Variants in PCSK5 observed in about 807,000 individuals in gnomAD.
The protein encoded by PCSK5 is prohormone convertase 5.
A neutral mutation model predicts 233.2 loss-of-function variants in PCSK5; 129 were observed. The observed-to-expected ratio is 0.55, with a 90% CI of 0.48 to 0.64. The LOEUF (loss-of-function observed/expected upper bound fraction) is 0.64. Among genes scored for constraint, PCSK5 ranks in the 30% least tolerant of loss-of-function variants. The probability of loss-of-function intolerance (pLI) is 0.00; values close to 1 mark genes in which losing one functional copy is unlikely to be tolerated. For synonymous variants in PCSK5, 825 were observed against 879.2 expected (o/e 0.94, Z 1.09); for missense variants, 2,076 against 2,430.1 (o/e 0.85, Z 3.06).
In PCSK5 at chr9:76,323,073, T is replaced by C; in HGVS notation, c.4124T>C (p.Leu1375Pro). The C allele has an allele frequency of 1.2e-6, 2 of 1,604,690 alleles. No homozygotes were observed. Among genetic ancestry groups the C allele is most frequent in the Non-Finnish European group, 1.7e-6 (2 of 1,175,182 alleles). Residue 1375 changes from leucine to proline, a missense_variant, in exon 32 of 38, where the codon CTG becomes CCG. Leu to Pro is a moderately conservative substitution (Grantham distance 98). Around this residue, in one of 6 missense-constraint regions of PCSK5, gnomAD observed 1,510 missense variants for 1,538.1 expected, o/e 0.98. Transcript: ENST00000674117. The stretch of plus-strand genomic sequence containing the variant: ...CCAGAGTGCACGCCTGAGTTCTTCC[T>C]GCACGATGATATGTGCCACCAGTCC... Reference protein sequence around the residue: ...TCKECTPEFFLHDDMCHQSCP... With the variant: ...TCKECTPEFFPHDDMCHQSCP...
chr9:76,280,758 A>C (rs1252612332), intron 24 of PCSK5, among the ~76,000 whole-genome samples: 13 of 151,922 alleles, frequency 8.6e-5, no homozygotes, highest in Non-Finnish European at 5.9e-5. Flanking sequence ...ACCAAACAAA[A>C]AGATAGGCTG....
intron 3 of PCSK5, among the ~76,000 whole-genome samples, chr9:76,000,069 T>C (rs1425243795): frequency 6.6e-6 from 1 of 152,180 alleles, no homozygotes; most frequent in African/African-American, 2.4e-5. Context: ...GAATTTAGAT[T>C]TACAAGAAAC....
At chr9:76,278,036 G>C (rs1467601433) in intron 24 of PCSK5, among the ~76,000 whole-genome samples, 3 of 152,170 alleles carry the variant, frequency 2.0e-5, no homozygotes, top group Non-Finnish European at 4.4e-5. Flanking sequence ...AGTATTGGCT[G>C]CTTATAATGC....
intron 2 of PCSK5, among the ~76,000 whole-genome samples, chr9:75,934,080 A>G (rs1343710720): frequency 6.6e-6 from 1 of 152,168 alleles, no homozygotes; most frequent in Non-Finnish European, 1.5e-5. Flanking sequence ...ATCTCAGTGC[A>G]TCACATGGCT....
At chr9:76,134,025 T>A in intron 9 of PCSK5, 84 bp from the exon 10 acceptor site, 1 of 914,228 alleles carries the variant, frequency 1.1e-6, no homozygotes, top group Non-Finnish European at 1.7e-6. Flanking sequence ...ATTTTGATTT[T>A]GCTTTTTTAA....
At chr9:76,172,151 CT>C (rs1348050430) in intron 13 of PCSK5, among the ~76,000 whole-genome samples, 9 of 152,082 alleles carry the variant, frequency 5.9e-5, no homozygotes, top group Admixed American at 1.3e-4. Flanking sequence ...TATTTATTGT[CT>C]CTTGTCATTT....
At chr9:76,082,664 A>G (rs2131622886) in intron 7 of PCSK5, among the ~76,000 whole-genome samples, 1 of 151,934 alleles carries the variant, frequency 6.6e-6, no homozygotes, top group East Asian at 1.9e-4. Flanking sequence ...ACAGCCCACA[A>G]TAAGAAGACT....
intron 8 of PCSK5, among the ~76,000 whole-genome samples, chr9:76,098,211 C>T (rs1452832388): frequency 6.6e-6 from 1 of 152,152 alleles, no homozygotes; most frequent in African/African-American, 2.4e-5. Flanking sequence ...TACATGTCCC[C>T]ATCTTTCCCT....
chr9:76,251,053 A>C (rs1182899639), intron 24 of PCSK5, among the ~76,000 whole-genome samples: 8 of 152,044 alleles, frequency 5.3e-5, no homozygotes, highest in African/African-American at 1.9e-4. Context: ...GGATGGCTTC[A>C]GGCCAGGAGT....
At chr9:76,044,222 C>G (rs1166933370) in intron 5 of PCSK5, among the ~76,000 whole-genome samples, 1 of 152,110 alleles carries the variant, frequency 6.6e-6, no homozygotes, top group Non-Finnish European at 1.5e-5. Context: ...ATTTTAACAA[C>G]TTGAGATTTT....
chr9:76,024,127 C>T (rs767682371), intron 4 of PCSK5, among the ~76,000 whole-genome samples: 2 of 152,146 alleles, frequency 1.3e-5, no homozygotes, highest in African/African-American at 4.8e-5. Flanking sequence ...GCAGAAACTC[C>T]GCCACCACAC....
intron 21 of PCSK5, among the ~76,000 whole-genome samples, chr9:76,229,884 T>C (rs1388535121): frequency 6.6e-6 from 1 of 152,172 alleles, no homozygotes; most frequent in African/African-American, 2.4e-5. Flanking sequence ...ATGGTTCACT[T>C]CCTATGAAAA....
At chr9:76,107,628 G>A (rs942102482) in intron 9 of PCSK5, among the ~76,000 whole-genome samples, 2 of 152,132 alleles carry the variant, frequency 1.3e-5, no homozygotes, top group African/African-American at 4.8e-5. Flanking sequence ...CAACTCTCTT[G>A]CCTTGTTGAG....
chr9:75,991,369 A>T (rs185953844), intron 3 of PCSK5, among the ~76,000 whole-genome samples: 1 of 152,208 alleles, frequency 6.6e-6, no homozygotes, highest in African/African-American at 2.4e-5. Flanking sequence ...CCCCTTTGAG[A>T]CACCACTTCC....
intron 10 of PCSK5, among the ~76,000 whole-genome samples, chr9:76,156,643 C>G (rs1386797115): frequency 6.6e-6 from 1 of 152,172 alleles, no homozygotes; most frequent in East Asian, 1.9e-4. Context: ...AGAAAAACTA[C>G]GTGCATTAAA....
At chr9:75,996,224 TGAA>T (rs1827016659) in intron 3 of PCSK5, among the ~76,000 whole-genome samples, 1 of 152,214 alleles carries the variant, frequency 6.6e-6, no homozygotes, top group Non-Finnish European at 1.5e-5. Context: ...AAAGTTCCTA[TGAA>T]GAAGACTTTT....
chr9:75,906,967 T>G (rs1398129376), intron 1 of PCSK5, among the ~76,000 whole-genome samples: 1 of 152,202 alleles, frequency 6.6e-6, no homozygotes, highest in Non-Finnish European at 1.5e-5. Flanking sequence ...TTCTGGAAAT[T>G]TTATCTCTTC....
intron 25 of PCSK5, among the ~76,000 whole-genome samples, chr9:76,292,859 G>A (rs1432323099): frequency 6.6e-6 from 1 of 152,216 alleles, no homozygotes; most frequent in Non-Finnish European, 1.5e-5. Flanking sequence ...GAAGGAAAAT[G>A]AAAGAGAAAG....
At chr9:76,353,468 T>A (rs1224436956) in intron 36 of PCSK5, among the ~76,000 whole-genome samples, 1 of 152,186 alleles carries the variant, frequency 6.6e-6, no homozygotes, top group Non-Finnish European at 1.5e-5. Flanking sequence ...GTAAGCTTGA[T>A]GCTTGAAGGA....
Sources: gnomAD v4.1 joint callset for allele counts (sites outside exome capture counted in the v4.1 genomes callset) on GRCh38, gnomAD v4.1.1 for gene constraint, gnomAD v4.1.1 regional missense constraint, MANE v1.5 for transcripts, NCBI Gene and HGNC (gene_info 2026-07-23, HGNC 2026-07-21) for gene names.